Variants in MFSD6 observed in about 807,000 individuals in gnomAD.
MFSD6 encodes major facilitator superfamily domain-containing protein 6.
In MFSD6, 26 loss-of-function variants were observed where a neutral mutation model predicts 56.3. The ratio of observed to expected loss-of-function variants is 0.46; its 90% CI spans 0.34 to 0.64. The LOEUF is 0.64. Ranked by LOEUF, MFSD6 falls within the 30% of genes least tolerant of loss-of-function variation. The pLI is 0.01. For synonymous variants in MFSD6, 331 were observed against 366.9 expected (o/e 0.90, Z 1.12); for missense variants, 750 against 986.2 (o/e 0.76, Z 3.21).
chr2:190,500,141 C>T lies in MFSD6; in HGVS notation c.2299C>T (p.Pro767Ser), dbSNP rs758862665. The T allele has an allele frequency of 3.7e-6, 6 of 1,614,008 alleles. No individual in the cohort carries two copies. The African/African-American group carries it at 8.0e-5, about 22-fold the overall frequency. Residue 767 changes from proline to serine, a missense_variant, in exon 8 of 8, where the codon CCC (proline) becomes TCC (serine). Around this residue, in one of 5 missense-constraint regions of MFSD6, gnomAD observed 172 missense variants for 203.9 expected, o/e 0.84. Transcript: ENST00000392328. The surrounding 1 kb of genome is among the most constrained non-coding windows in gnomAD (Gnocchi z 5.3). ...DAAASQTQTS[P>S]AHPSVDPCTE... is the part of the protein sequence containing the mutation. ...AGCAGCATCTCAGACGCAGACCAGC[C>T]CCGCTCACCCCAGTGTGGACCCGTG...
Position 190,416,380 on chromosome 2 carries a change from T to G in MFSD6, c.-54+967T>G, listed in dbSNP as rs748529737. On this transcript the variant is annotated intron_variant, in intron 2 of 7. Coordinates refer to ENST00000392328, the MANE Select transcript of MFSD6 (RefSeq NM_017694.4). This position sits in a 1 kb window ranked among gnomAD's most constrained non-coding sequence, Gnocchi z 4.1. The stretch of plus-strand genomic sequence containing the variant: ...GGATTTCAGGTCCTTTCTTTCAGAT[T>G]TATGATGTTACAAATATAAGTAAAA... 6.6e-6 allele frequency among the ~76,000 whole-genome samples: 1 copy of G among 152,240 alleles called. No homozygotes were observed. Among genetic ancestry groups the G allele is most frequent in the Non-Finnish European group, 1.5e-5 (1 of 68,034 alleles).
intron 2 of MFSD6, among the ~76,000 whole-genome samples, chr2:190,422,945 T>C (rs952369254): frequency 2.6e-5 from 4 of 152,146 alleles, no homozygotes; most frequent in African/African-American, 9.7e-5. Context: ...TCAGTGAGTT[T>C]TTACAAAGTC....
Position 190,412,561 on chromosome 2 carries a change from A to G in MFSD6, c.-175-2731A>G, listed in dbSNP as rs1690602553. 1.0e-6 allele frequency: 1 copy of G among 985,302 alleles called. No individual in the cohort carries two copies. Among genetic ancestry groups the G allele is most frequent in the South Asian group, 4.7e-5 (1 of 21,290 alleles). The allele number at this position is 985,302 out of a possible 1,614,324, so 61.0% of individuals were successfully genotyped here. A position where few individuals can be genotyped will look rare whatever the true frequency, so the allele number is the denominator to read the frequency against. ...GGGCATAGCATTTTTGATTCCTGGG[A>G]AAAGCAAACAAACACATCTGATGTC... On this transcript the variant is annotated intron_variant, in intron 1 of 7. Transcript: ENST00000392328. This position sits in a 1 kb window ranked among gnomAD's most constrained non-coding sequence, Gnocchi z 4.1.
chr2:190,457,821 C>T lies in MFSD6; in HGVS notation c.1533-11937C>T, dbSNP rs567141923. On this transcript the variant is annotated intron_variant, in intron 3 of 7. Coordinates refer to ENST00000392328, the MANE Select transcript of MFSD6 (RefSeq NM_017694.4). The surrounding 1 kb of genome is among the most constrained non-coding windows in gnomAD (Gnocchi z 5.1). ...CTCAACTATGCATGTGCCCTGGATGCCACCACCTTGGCCAGCGTGCAGCAT... is the reference window on the plus strand; with the variant it reads ...CTCAACTATGCATGTGCCCTGGATGTCACCACCTTGGCCAGCGTGCAGCAT... 1.3e-5 allele frequency among the ~76,000 whole-genome samples: 2 copies of T among 152,316 alleles called. No homozygotes were observed. The highest frequency in any genetic ancestry group is 4.2e-4 in the South Asian group (2 of 4,818).
chr2:190,496,719 TACTACTCAGCCATAAAAA>T lies in MFSD6; in HGVS notation c.1892-719_1892-702del. 6.6e-6 allele frequency among the ~76,000 whole-genome samples: 1 copy of T among 152,214 alleles called. No individual in the cohort carries two copies. Among genetic ancestry groups the T allele is most frequent in the South Asian group, 2.1e-4 (1 of 4,816 alleles). ...ACATATACATACATACACAATGGAA[TACTACTCAGCCATAAAAA>T]GGAATGAATTAATGGCATTCACAGC... On this transcript the variant is annotated intron_variant, in intron 6 of 7. Transcript: ENST00000392328. The surrounding 1 kb of genome is among the most constrained non-coding windows in gnomAD (Gnocchi z 4.7).
rs1685692750 is a variant in MFSD6, at chr2:190,423,371, A to C, written c.-54+7958A>C. Among the ~76,000 whole-genome samples the C allele has an allele frequency of 6.6e-6, 1 of 152,206 alleles. No homozygotes were observed. The highest frequency in any genetic ancestry group is 1.5e-5 in the Non-Finnish European group (1 of 68,034). The stretch of plus-strand genomic sequence containing the variant: ...TTGTCATTTCAAGAATGTTATATGA[A>C]TAGAATCATACAGTATGTAATGTTT... On this transcript the variant is annotated intron_variant, in intron 2 of 7. Coordinates refer to ENST00000392328, the MANE Select transcript of MFSD6 (RefSeq NM_017694.4). The surrounding 1 kb of genome is among the most constrained non-coding windows in gnomAD (Gnocchi z 4.3).
At chr2:190,473,182 C>A (rs2125160906) in intron 4 of MFSD6, among the ~76,000 whole-genome samples, 1 of 152,244 alleles carries the variant, frequency 6.6e-6, no homozygotes, top group East Asian at 1.9e-4. Flanking sequence ...CATCAACCAA[C>A]AAGCAAAATC....
intron 2 of MFSD6, among the ~76,000 whole-genome samples, chr2:190,429,942 A>G (rs973435736): frequency 3.9e-5 from 6 of 151,908 alleles, no homozygotes; most frequent in African/African-American, 1.5e-4. Context: ...GGTGTGCTGC[A>G]CCCATTAACT....
In MFSD6 at chr2:190,443,530, A is replaced by T. The variant is rs1686461134; in HGVS notation, c.1532+5969A>T. Among the ~76,000 whole-genome samples, 1 of 152,246 alleles carries T rather than the reference A, an allele frequency of 6.6e-6. No individual in the cohort carries two copies. Among genetic ancestry groups the T allele is most frequent in the Non-Finnish European group, 1.5e-5 (1 of 68,048 alleles). Reference sequence around the variant, plus strand: ...GTTGATAAAAATACAAGTTGACAGTACAATATCAGAAGTGTACAGATGATT... The same window carrying T: ...GTTGATAAAAATACAAGTTGACAGTTCAATATCAGAAGTGTACAGATGATT... On this transcript the variant is annotated intron_variant, in intron 3 of 7. Transcript: ENST00000392328. This position sits in a 1 kb window ranked among gnomAD's most constrained non-coding sequence, Gnocchi z 4.2.
chr2:190,501,660 A>G lies in MFSD6; in HGVS notation c.*1442A>G, dbSNP rs1027719556. ...TCAATTGTAAAGTGAGGGCTTCTCC[A>G]TGACACCATAGTTCTGCCCAATACT... On this transcript the variant is annotated 3_prime_UTR_variant, in exon 8 of 8. Coordinates refer to ENST00000392328, the MANE Select transcript of MFSD6 (RefSeq NM_017694.4). 1.3e-5 allele frequency: 2 copies of G among 152,618 alleles called. No individual in the cohort carries two copies. The highest frequency in any genetic ancestry group is 6.5e-5 in the Admixed American group (1 of 15,284). The allele number at this position is 152,618 out of a possible 1,614,324, so 9.5% of individuals were successfully genotyped here.
chr2:190,462,332 G>A lies in MFSD6; in HGVS notation c.1533-7426G>A, dbSNP rs928608536. On this transcript the variant is annotated intron_variant, in intron 3 of 7. Transcript: ENST00000392328. The surrounding 1 kb of genome is among the most constrained non-coding windows in gnomAD (Gnocchi z 5.7). The stretch of plus-strand genomic sequence containing the variant: ...AGACACTGGCATTTAGCACCCAAGC[G>A]TCAGGGATTTTAAACATCCCACAGT... Among the ~76,000 whole-genome samples the A allele has an allele frequency of 7.2e-5, 11 of 152,238 alleles. No homozygotes were observed. The highest frequency in any genetic ancestry group is 1.2e-4 in the Non-Finnish European group (8 of 68,014).
At chr2:190,444,157 CTG>C (rs1476703705) in intron 3 of MFSD6, among the ~76,000 whole-genome samples, 4 of 152,142 alleles carry the variant, frequency 2.6e-5, no homozygotes, top group Admixed American at 6.6e-5. Context: ...TGTAAAAAAA[CTG>C]TTGATTTGAT....
At chr2:190,419,571 A>G (rs899006666) in intron 2 of MFSD6, among the ~76,000 whole-genome samples, 2 of 152,236 alleles carry the variant, frequency 1.3e-5, no homozygotes, top group African/African-American at 2.4e-5. Context: ...TATAGCACAC[A>G]TTCTTATCAT....
At position 190,501,260 on chromosome 2, in the gene MFSD6, T is replaced by C. The variant is rs529366066; in HGVS notation, c.*1042T>C. The C allele has an allele frequency of 1.3e-5, 2 of 152,228 alleles. No homozygotes were observed. The highest frequency in any genetic ancestry group is 6.5e-5 in the Admixed American group (1 of 15,286). The allele number at this position is 152,228 out of a possible 1,614,324, so 9.4% of individuals were successfully genotyped here. On this transcript the variant is annotated 3_prime_UTR_variant, in exon 8 of 8. Coordinates refer to ENST00000392328, the MANE Select transcript of MFSD6 (RefSeq NM_017694.4). ...TTTTTGGTGAGGAAAAGGTGGTAAA[T>C]AGGAAACCATGAATGGGAAGGATGG...
chr2:190,488,886 A>G lies in MFSD6; in HGVS notation c.1792+68A>G, dbSNP rs1245240783. 1.4e-6 allele frequency: 2 copies of G among 1,381,554 alleles called. No homozygotes were observed. Among genetic ancestry groups the G allele is most frequent in the African/African-American group, 3.0e-5 (2 of 67,786 alleles). The allele number at this position is 1,381,554 out of a possible 1,614,324, so 85.6% of individuals were successfully genotyped here. A position where few individuals can be genotyped will look rare whatever the true frequency, so the allele number is the denominator to read the frequency against. ...ACATGATTTTTTCCAGCAATACCTC[A>G]ATAAACAATCCAATTATTACTGAAG... On this transcript the variant is annotated intron_variant, in intron 5 of 7. Transcript: ENST00000392328. This position sits in a 1 kb window ranked among gnomAD's most constrained non-coding sequence, Gnocchi z 6.4.
rs978221087 is a variant in MFSD6 at position 190,461,384 on chromosome 2, A to G, written c.1533-8374A>G. Among the ~76,000 whole-genome samples, 1 of 152,220 alleles carries G rather than the reference A, an allele frequency of 6.6e-6. No individual in the cohort carries two copies. The highest frequency in any genetic ancestry group is 1.5e-5 in the Non-Finnish European group (1 of 68,036). On this transcript the variant is annotated intron_variant, in intron 3 of 7. Transcript: ENST00000392328. This position sits in a 1 kb window ranked among gnomAD's most constrained non-coding sequence, Gnocchi z 5.5. ...CAATTCCTCTCCTTAGAGACTATCC[A>G]TTATATGAGGTTCTAGTGTTGTATC...
rs551801719 is a variant in MFSD6 at position 190,418,914 on chromosome 2, T to C, written c.-54+3501T>C. On this transcript the variant is annotated intron_variant, in intron 2 of 7. Transcript: ENST00000392328. This position sits in a 1 kb window ranked among gnomAD's most constrained non-coding sequence, Gnocchi z 4.1. Reference sequence around the variant, plus strand: ...TGCTGAGTGCCTGGAGGGCTCAGGCTGGAAACTGGGCTGACAGGACTGAGA... The same window carrying C: ...TGCTGAGTGCCTGGAGGGCTCAGGCCGGAAACTGGGCTGACAGGACTGAGA... Among the ~76,000 whole-genome samples, 2 of 152,328 alleles carry C rather than the reference T, an allele frequency of 1.3e-5. No individual in the cohort carries two copies. The highest frequency in any genetic ancestry group is 3.4e-3 in the Middle Eastern group (1 of 294).
Position 190,436,211 on chromosome 2 carries a change from G to T in MFSD6, c.182G>T (p.Cys61Phe). 6.2e-7 allele frequency: 1 copy of T among 1,614,146 alleles called. No homozygotes were observed. Residue 61 changes from cysteine (C) to phenylalanine (F), a missense_variant, in exon 3 of 8, where the codon TGT becomes TTT. Around this residue, in one of 5 missense-constraint regions of MFSD6, gnomAD observed 76 missense variants for 101.9 expected, o/e 0.75. Coordinates refer to ENST00000392328, the MANE Select transcript of MFSD6 (RefSeq NM_017694.4). The surrounding 1 kb of genome is among the most constrained non-coding windows in gnomAD (Gnocchi z 5.3). ...GAAATAGACTGGATAGAGAAACATT[G>T]TGTTAAGATAAACAACGATCTTCTA... ...EEEIDWIEKHCVKINNDLLIS... is the reference protein window; with the variant it reads ...EEEIDWIEKHFVKINNDLLIS...
At chr2:190,449,606 G>C (rs1686701422) in intron 3 of MFSD6, among the ~76,000 whole-genome samples, 1 of 151,994 alleles carries the variant, frequency 6.6e-6, no homozygotes, top group South Asian at 2.1e-4. Flanking sequence ...CAAAAACTTG[G>C]AACCAACCCA....
Sources: gnomAD v4.1 joint callset for allele counts (sites outside exome capture counted in the v4.1 genomes callset) on GRCh38, gnomAD v4.1.1 for gene constraint, gnomAD v4.1.1 regional missense constraint, Gnocchi (gnomAD v3.1) non-coding constraint, MANE v1.5 for transcripts, NCBI Gene and HGNC (gene_info 2026-07-23, HGNC 2026-07-21) for gene names.